Variants in NDUFAF6 observed in about 807,000 individuals in gnomAD.
NDUFAF6 encodes the protein NADH dehydrogenase (ubiquinone) complex I, assembly factor 6.
A neutral mutation model predicts 40.8 loss-of-function variants in NDUFAF6; 45 were observed. That is an observed-to-expected ratio of 1.10 (90% CI 0.87 to 1.42). The LOEUF (loss-of-function observed/expected upper bound fraction) is 1.42, where lower values mean the gene tolerates loss of function less well. Among genes scored for constraint, NDUFAF6 ranks in the 40% most tolerant of loss-of-function variants. The pLI is 0.00. For missense variants in NDUFAF6, 435 were observed against 418.5 expected, an observed-to-expected ratio of 1.04 and a Z score of -0.34; for synonymous variants, 185 against 155.9, an observed-to-expected ratio of 1.19 and a Z score of -1.39.
chr8:94,906,653 G>A (rs1818410727), intron 1 of NDUFAF6, among the ~76,000 whole-genome samples: 1 of 152,208 alleles, frequency 6.6e-6, no homozygotes, highest in Admixed American at 6.5e-5. Context: ...AGCACTAAAG[G>A]ACATGCTGAC....
At chr8:94,996,062 TGCA>T (rs1333321186) in intron 2 of NDUFAF6, among the ~76,000 whole-genome samples, 7 of 152,300 alleles carry the variant, frequency 4.6e-5, no homozygotes, top group Non-Finnish European at 8.8e-5. Context: ...CGTGAGCCAC[TGCA>T]CCCGGCTGCT....
chr8:94,909,451 C>G (rs2131213875), intron 1 of NDUFAF6, among the ~76,000 whole-genome samples: 1 of 148,380 alleles, frequency 6.7e-6, no homozygotes, highest in East Asian at 2.0e-4. Flanking sequence ...ATAGTGAAAC[C>G]CCGTCTGTAC....
intron 9 of NDUFAF6, chr8:95,073,138 C>CGA (rs1214202395): frequency 6.6e-6 from 1 of 152,652 alleles, no homozygotes; most frequent in Non-Finnish European, 1.5e-5. Context: ...AGGAGGGCTC[C>CGA]GACCGGACGG....
downstream of NDUFAF6, among the ~76,000 whole-genome samples, chr8:95,062,385 C>T (rs540444234): frequency 2.0e-5 from 3 of 152,176 alleles, no homozygotes; most frequent in African/African-American, 4.8e-5. Context: ...AAAAAACACA[C>T]GTTAATATTG....
At chr8:94,917,634 T>C (rs1321596594) in intron 1 of NDUFAF6, among the ~76,000 whole-genome samples, 1 of 152,188 alleles carries the variant, frequency 6.6e-6, no homozygotes, top group African/African-American at 2.4e-5. Flanking sequence ...AGAAAAAATT[T>C]AGTGCATCAA....
chr8:94,995,814 G>C (rs1826402799), intron 2 of NDUFAF6, among the ~76,000 whole-genome samples: 1 of 152,090 alleles, frequency 6.6e-6, no homozygotes, highest in African/African-American at 2.4e-5. Flanking sequence ...GTCTCGCTCT[G>C]TCGCCCAGGC....
chr8:95,036,616 A>G (rs1185513004), intron 3 of NDUFAF6: 2 of 780,012 alleles, frequency 2.6e-6, no homozygotes, highest in East Asian at 6.6e-5. Flanking sequence ...TTACACCTAA[A>G]TCGGAGTATA....
intron 8 of NDUFAF6, among the ~76,000 whole-genome samples, chr8:95,057,600 T>C (rs777051867): frequency 5.1e-4 from 77 of 152,328 alleles, no homozygotes; most frequent in Admixed American, 1.2e-3. Flanking sequence ...GCTTTTCTGG[T>C]ACTAGCTCTG....
At chr8:95,086,881 G>A (rs1253547507) in intron 2 of NDUFAF6, among the ~76,000 whole-genome samples, 1 of 152,092 alleles carries the variant, frequency 6.6e-6, no homozygotes, top group Non-Finnish European at 1.5e-5. Flanking sequence ...GGGATTACAG[G>A]CGTGAGCCAC....
At chr8:95,116,250 GT>G (rs879850841) in intron 5 of NDUFAF6, 76 of 143,562 alleles carry the variant, frequency 5.3e-4, no homozygotes, top group East Asian at 8.1e-4. Flanking sequence ...AGTTTTTAAA[GT>G]TTTTTTTTTT....
downstream of NDUFAF6, among the ~76,000 whole-genome samples, chr8:95,081,079 A>G (rs1348382845): frequency 1.4e-5 from 2 of 145,970 alleles, no homozygotes; most frequent in Admixed American, 1.4e-4. Flanking sequence ...GGAACAAAAG[A>G]GTGAACAAAA....
At chr8:95,115,888 A>C (rs1359122859) in intron 5 of NDUFAF6, among the ~76,000 whole-genome samples, 1 of 152,206 alleles carries the variant, frequency 6.6e-6, no homozygotes, top group African/African-American at 2.4e-5. Context: ...CTGTAATCTC[A>C]GCACTTTGGA....
At chr8:95,065,434 GTCC>G (rs1332710946) in intron 9 of NDUFAF6, among the ~76,000 whole-genome samples, 9 of 152,118 alleles carry the variant, frequency 5.9e-5, no homozygotes, top group African/African-American at 1.9e-4. Flanking sequence ...TTTGGTCTAT[GTCC>G]TCCTCTATTT....
chr8:94,896,595 G>A (rs1448781828), intron 1 of NDUFAF6: 2 of 152,074 alleles, frequency 1.3e-5, no homozygotes, highest in African/African-American at 2.4e-5. Flanking sequence ...CGGAACCCGC[G>A]GTAGCTCGGG....
At chr8:94,971,355 A>G (rs1173687542) in intron 1 of NDUFAF6, among the ~76,000 whole-genome samples, 7 of 152,190 alleles carry the variant, frequency 4.6e-5, no homozygotes, top group Admixed American at 4.6e-4. Context: ...TGATACTCCC[A>G]AACAATATTG....
intron 2 of NDUFAF6, among the ~76,000 whole-genome samples, chr8:94,987,636 C>G (rs1457435972): frequency 6.6e-6 from 1 of 152,200 alleles, no homozygotes; most frequent in Admixed American, 6.5e-5. Flanking sequence ...GCTAATAGAT[C>G]TGCCTAGTTT....
chr8:95,054,560 G>C (rs1167355282), intron 8 of NDUFAF6, among the ~76,000 whole-genome samples: 1 of 151,670 alleles, frequency 6.6e-6, no homozygotes, highest in Non-Finnish European at 1.5e-5. Context: ...TCAGCTTCCC[G>C]AGTAGCTGGG....
chr8:94,905,169 T>C (rs1441249371), intron 1 of NDUFAF6, among the ~76,000 whole-genome samples: 1 of 152,122 alleles, frequency 6.6e-6, no homozygotes, highest in East Asian at 1.9e-4. Context: ...CATTGCACTC[T>C]AGCCCAACTA....
intron 1 of NDUFAF6, among the ~76,000 whole-genome samples, chr8:94,906,027 G>A (rs981360825): frequency 1.3e-5 from 2 of 152,138 alleles, no homozygotes; most frequent in East Asian, 1.9e-4. Context: ...TGTCAGATAG[G>A]TAATGTACCA....
Sources: allele counts gnomAD v4.1 joint callset (sites outside exome capture counted in the v4.1 genomes callset), GRCh38; gene constraint gnomAD v4.1.1; transcripts MANE v1.5; gene names NCBI Gene and HGNC (gene_info 2026-07-23, HGNC 2026-07-21).